The following CCPG1 variants were observed in gnomAD, a reference collection of about 807,000 sequenced individuals.
The protein encoded by CCPG1 is cell cycle progression 1, also known as cell cycle progression protein 1.
In CCPG1, 46 loss-of-function variants were observed where a neutral mutation model predicts 81.3. The observed-to-expected ratio is 0.57, with a 90% confidence interval of 0.45 to 0.72. The LOEUF is 0.72. Ranked by LOEUF, CCPG1 falls within the 30% of genes least tolerant of loss-of-function variation. CCPG1 has a pLI of 0.00. For missense variants in CCPG1, 902 were observed against 937.6 expected (o/e 0.96, Z 0.50); for synonymous variants, 330 against 305.2 (o/e 1.08, Z -0.85).
intron 1 of CCPG1, among the ~76,000 whole-genome samples, chr15:55,392,887 A>G (rs112422274): frequency 0.18 from 26,980 of 152,002 alleles, 4,136 homozygotes; most frequent in African/African-American, 0.42. Flanking sequence ...GGTAGATCAT[A>G]AGGGCAGGAG....
At chr15:55,379,400 T>C (rs1443830868) in intron 3 of CCPG1, among the ~76,000 whole-genome samples, 2 of 152,034 alleles carry the variant, frequency 1.3e-5, no homozygotes, top group Non-Finnish European at 2.9e-5. Flanking sequence ...TGGTGGTATG[T>C]GCCTATAGTA....
intron 1 of CCPG1, among the ~76,000 whole-genome samples, chr15:55,396,132 C>A (rs1692985647): frequency 1.5e-5 from 2 of 132,966 alleles, no homozygotes; most frequent in South Asian, 2.4e-4. Flanking sequence ...CCAGCCTGGG[C>A]AACAGAGCAA....
Position 55,360,618 on chromosome 15 carries a change from T to C in CCPG1, c.1155A>G (p.Glu385=). 6.2e-7 allele frequency: 1 copy of C among 1,614,126 alleles called. No homozygotes were observed. The highest frequency in any genetic ancestry group is 8.5e-7 in the Non-Finnish European group (1 of 1,180,012). Residue 385 remains glutamate, a synonymous_variant, in exon 8 of 9, where the codon GAA becomes GAG. Transcript: ENST00000442196. ...TAGTTACTAGTCGTTCTCTCTCCAG[T>C]TCTCTCTTTAGCATCTTTGCTTCTG... is the stretch of plus-strand genomic sequence containing the variant. The part of the protein sequence containing the change: ...LLTEAKMLKR[E]LERERLVTTA...
rs139639941 is a variant in CCPG1, at chr15:55,397,280, G to A, written c.-9-7847C>T. Among the ~76,000 whole-genome samples, 1,079 of 151,502 alleles carry A rather than the reference G, an allele frequency of 7.1e-3. 21 individuals are homozygous for A. The highest frequency in any genetic ancestry group is 8.0e-3 in the Non-Finnish European group (543 of 67,908). ...CAGAGTGGTGGCAAGGGGACAGACT[G>A]AGTAGGGCTTACAGATCCTAAGACT... On this transcript the variant is annotated intron_variant, in intron 1 of 8. Transcript: ENST00000442196.
At chr15:55,377,742 C>T (rs1039988860) in intron 4 of CCPG1, among the ~76,000 whole-genome samples, 2 of 152,208 alleles carry the variant, frequency 1.3e-5, no homozygotes, top group African/African-American at 4.8e-5. Context: ...TTGCCCATCT[C>T]CTCTTAAAGA....
At chr15:55,363,375 AAAACCC>A (rs1376266035) in intron 7 of CCPG1, among the ~76,000 whole-genome samples, 1 of 150,904 alleles carries the variant, frequency 6.6e-6, no homozygotes, top group Non-Finnish European at 1.5e-5. Flanking sequence ...AAACAAAAAA[AAAACCC>A]AAACCCAAAC....
At chr15:55,374,379 C>T (rs1435612817) in intron 5 of CCPG1, 2 of 456,474 alleles carry the variant, frequency 4.4e-6, no homozygotes, top group South Asian at 2.1e-5. Flanking sequence ...ACGTAATAAC[C>T]ATGCCTTCTT....
At chr15:55,374,331 T>TAA in intron 5 of CCPG1, 1 of 662,160 alleles carries the variant, frequency 1.5e-6, no homozygotes, top group East Asian at 6.6e-5. Context: ...TAAAAATACT[T>TAA]AATTATCACT....
At position 55,365,178 on chromosome 15, in the gene CCPG1, TG is replaced by T; in HGVS notation, c.828+9del. On this transcript the variant is annotated intron_variant, in intron 7 of 8. Coordinates refer to ENST00000442196, the MANE Select transcript of CCPG1 (RefSeq NM_001204450.2). ...TAACAATTATTTTAAATACTGTTAG[TG>T]GTACATACCTTATAATCTATAAAAG... 7.1e-7 allele frequency: 1 copy of T among 1,401,128 alleles called. No individual in the cohort carries two copies. The allele number at this position is 1,401,128 out of a possible 1,614,324, so 86.8% of individuals were successfully genotyped here.
intron 7 of CCPG1, among the ~76,000 whole-genome samples, chr15:55,362,074 T>C (rs1470566401): frequency 5.3e-5 from 8 of 152,244 alleles, no homozygotes; most frequent in Non-Finnish European, 5.9e-5. Context: ...TATAGAATTT[T>C]ACTGCTTCAA....
At chr15:55,397,228 A>C (rs377271731) in intron 1 of CCPG1, among the ~76,000 whole-genome samples, 26,502 of 92,002 alleles carry the variant, frequency 0.29, 4,059 homozygotes, top group African/African-American at 0.47. Context: ...AAAAACAAAC[A>C]AAAAAAAAAA....
At chr15:55,363,355 A>T (rs57094422) in intron 7 of CCPG1, among the ~76,000 whole-genome samples, 81 of 145,134 alleles carry the variant, frequency 5.6e-4, no homozygotes, top group Middle Eastern at 3.6e-3. Flanking sequence ...TCTCAGAAAA[A>T]AAACAAACAA....
intron 1 of CCPG1, among the ~76,000 whole-genome samples, chr15:55,407,225 T>C (rs868683614): frequency 6.2e-5 from 5 of 80,728 alleles, no homozygotes; most frequent in African/African-American, 2.0e-4. Flanking sequence ...CGAAACCCTC[T>C]CTCAAAAAAA....
intron 1 of CCPG1, among the ~76,000 whole-genome samples, chr15:55,405,049 AC>A (rs2057191407): frequency 6.6e-6 from 1 of 151,814 alleles, no homozygotes; most frequent in African/African-American, 2.4e-5. Context: ...ACATGGCAAA[AC>A]CCAGTCTCTA....
At chr15:55,395,349 GC>G (rs1392049038) in intron 1 of CCPG1, among the ~76,000 whole-genome samples, 1 of 151,440 alleles carries the variant, frequency 6.6e-6, no homozygotes, top group Non-Finnish European at 1.5e-5. Flanking sequence ...GAATATGAAA[GC>G]CCCCTGGCAG....
chr15:55,376,508 C>G (rs773927219), intron 5 of CCPG1, among the ~76,000 whole-genome samples: 2 of 152,166 alleles, frequency 1.3e-5, no homozygotes, highest in Non-Finnish European at 2.9e-5. Context: ...ATGGTAGGTA[C>G]TCAATAAATG....
In CCPG1 at chr15:55,380,288, GT is replaced by G. The variant is rs57160266; in HGVS notation, c.176-1913del. ...CTATCATGAACATGCATTTCTTTTT[GT>G]TTTTTTTTTGTTTTGTTTTGTTTTG... On this transcript the variant is annotated intron_variant, in intron 3 of 8. Transcript: ENST00000442196. Among the ~76,000 whole-genome samples, 16 of 142,298 alleles carry G rather than the reference GT, an allele frequency of 1.1e-4. No individual in the cohort carries two copies. The East Asian group carries it at 2.7e-3, about 24-fold the overall frequency. 93.4% of individuals were successfully genotyped at this position (142,298 alleles called of 152,430 possible). A position where few individuals can be genotyped will look rare whatever the true frequency, so the allele number is the denominator to read the frequency against.
At chr15:55,361,260 T>TGG (rs2056188812) in intron 7 of CCPG1, among the ~76,000 whole-genome samples, 1 of 151,502 alleles carries the variant, frequency 6.6e-6, no homozygotes, top group Admixed American at 6.6e-5. Flanking sequence ...CTCTGCCTCT[T>TGG]GAGTTCAAGC....
intron 5 of CCPG1, chr15:55,374,083 G>T: frequency 2.4e-6 from 2 of 848,278 alleles, no homozygotes; most frequent in Non-Finnish European, 3.4e-6. Flanking sequence ...TATCTTTAAA[G>T]CACTCGGTAA....
Sources: allele counts gnomAD v4.1 joint callset (sites outside exome capture counted in the v4.1 genomes callset), GRCh38; gene constraint gnomAD v4.1.1; transcripts MANE v1.5; gene names NCBI Gene and HGNC (gene_info 2026-07-23, HGNC 2026-07-21).